The following TMEM131L variants were observed in gnomAD, a reference collection of about 807,000 sequenced individuals.
TMEM131L encodes transmembrane protein 131-like.
Under a neutral mutation model 192.2 loss-of-function variants are expected in TMEM131L, and 54 were observed. That is an observed-to-expected ratio of 0.28 (90% CI 0.23 to 0.35). TMEM131L has a LOEUF of 0.35. Among genes scored for constraint, TMEM131L ranks in the 10% least tolerant of loss-of-function variants. TMEM131L has a pLI of 1.00. For missense variants in TMEM131L, 1,888 were observed against 1,972.9 expected (o/e 0.96, Z 0.82); for synonymous variants, 701 against 704.9 (o/e 0.99, Z 0.09).
At chr4:153,616,925 G>A (rs2126664621) in intron 26 of TMEM131L, among the ~76,000 whole-genome samples, 1 of 152,202 alleles carries the variant, frequency 6.6e-6, no homozygotes, top group East Asian at 1.9e-4. Flanking sequence ...TCATAAATAA[G>A]TCTGTGATGA....
intron 15 of TMEM131L, 120 bp from the exon 16 acceptor site, chr4:153,588,770 G>T (rs1730870219): frequency 6.8e-6 from 4 of 592,160 alleles, no homozygotes; most frequent in Non-Finnish European, 1.2e-5. Context: ...GACAGAGGTG[G>T]CATTTATTAA....
chr4:153,514,607 A>T lies in TMEM131L; in HGVS notation c.240-35466A>T, dbSNP rs371120757. Among the ~76,000 whole-genome samples, 31 of 152,316 alleles carry T rather than the reference A, an allele frequency of 2.0e-4. 1 individual carries two copies. In the South Asian group the frequency reaches 6.2e-3, roughly 31 times the overall value. On this transcript the variant is annotated intron_variant, in intron 3 of 34. Coordinates refer to ENST00000409959, the MANE Select transcript of TMEM131L (RefSeq NM_001131007.2). The stretch of plus-strand genomic sequence containing the variant: ...TGAACTAGGTACCATTAAGATAGGT[A>T]TCATTAGTAGCCCCATTTTATAATA...
chr4:153,613,711 G>T (rs571355008), intron 26 of TMEM131L, among the ~76,000 whole-genome samples: 12 of 151,928 alleles, frequency 7.9e-5, no homozygotes, highest in Non-Finnish European at 1.6e-4. Context: ...CTGTACTGCC[G>T]TTCTTTCATG....
intron 3 of TMEM131L, among the ~76,000 whole-genome samples, chr4:153,482,563 T>G (rs1404460184): frequency 1.3e-5 from 2 of 152,210 alleles, no homozygotes; most frequent in Non-Finnish European, 2.9e-5. Flanking sequence ...ATTTTGGTTT[T>G]CATTGAAATT....
intron 3 of TMEM131L, among the ~76,000 whole-genome samples, chr4:153,476,963 G>A (rs1731584651): frequency 2.6e-5 from 4 of 152,178 alleles, no homozygotes; most frequent in African/African-American, 9.7e-5. Flanking sequence ...GCCCACAATT[G>A]TAAATGTGAC....
At chr4:153,633,792 C>G (rs1734386311) in intron 32 of TMEM131L, among the ~76,000 whole-genome samples, 1 of 152,150 alleles carries the variant, frequency 6.6e-6, no homozygotes, top group Non-Finnish European at 1.5e-5. Flanking sequence ...TATAGTTATG[C>G]TTGTCTAAGA....
intron 3 of TMEM131L, among the ~76,000 whole-genome samples, chr4:153,503,718 A>G (rs1403885124): frequency 1.3e-5 from 2 of 152,198 alleles, no homozygotes; most frequent in African/African-American, 4.8e-5. Context: ...CAGAAGCAGA[A>G]TGAGGCTAAT....
intron 17 of TMEM131L, 83 bp from the exon 18 acceptor site, chr4:153,592,392 T>A: frequency 1.2e-6 from 1 of 843,738 alleles, no homozygotes; most frequent in Non-Finnish European, 2.0e-6. Context: ...TCCTCATGAT[T>A]AGGTTATGCT....
chr4:153,548,114 G>A (rs923483406), intron 3 of TMEM131L, among the ~76,000 whole-genome samples: 2 of 151,962 alleles, frequency 1.3e-5, no homozygotes, highest in African/African-American at 4.8e-5. Flanking sequence ...CTTCACCTTC[G>A]TTACCACCTG....
chr4:153,543,694 TG>T (rs1736963468), intron 3 of TMEM131L, among the ~76,000 whole-genome samples: 1 of 152,274 alleles, frequency 6.6e-6, no homozygotes, highest in South Asian at 2.1e-4. Flanking sequence ...AGGTAGCAGC[TG>T]GGTCTTAGAA....
intron 3 of TMEM131L, among the ~76,000 whole-genome samples, chr4:153,538,176 CTCCTTCCAGGACTTTGT>C (rs1209754140): frequency 4.6e-5 from 7 of 152,334 alleles, no homozygotes; most frequent in African/African-American, 1.7e-4. Context: ...ATTGACTATG[CTCCTTCCAGGACTTTGT>C]TCCTTCCAGG....
chr4:153,622,295 G>T (rs1733482634), intron 28 of TMEM131L, among the ~76,000 whole-genome samples: 2 of 152,190 alleles, frequency 1.3e-5, no homozygotes, highest in Admixed American at 6.5e-5. Context: ...TCCAGGGTCT[G>T]GTACCGGATA....
intron 26 of TMEM131L, among the ~76,000 whole-genome samples, chr4:153,614,074 T>G (rs1732807387): frequency 1.3e-5 from 2 of 152,116 alleles, no homozygotes; most frequent in South Asian, 4.1e-4. Context: ...TGGAAACTTG[T>G]GCAGGTAGCA....
At chr4:153,527,131 A>G (rs1688208003) in intron 3 of TMEM131L, among the ~76,000 whole-genome samples, 1 of 152,204 alleles carries the variant, frequency 6.6e-6, no homozygotes, top group African/African-American at 2.4e-5. Context: ...TGTTGGCTAC[A>G]GTCCATTGAT....
chr4:153,468,395 A>G (rs1730918622), intron 2 of TMEM131L, among the ~76,000 whole-genome samples: 1 of 152,162 alleles, frequency 6.6e-6, no homozygotes, highest in Non-Finnish European at 1.5e-5. Context: ...CAGGATGAGG[A>G]GCAGATAGTT....
chr4:153,533,928 A>G (rs1438682644), intron 3 of TMEM131L, among the ~76,000 whole-genome samples: 7 of 152,178 alleles, frequency 4.6e-5, no homozygotes, highest in African/African-American at 1.7e-4. Context: ...CCAACCTGAC[A>G]TTGGTTTTTA....
chr4:153,613,680 G>A (rs1039806873), intron 26 of TMEM131L, among the ~76,000 whole-genome samples: 94 of 152,140 alleles, frequency 6.2e-4, no homozygotes, highest in African/African-American at 2.1e-3. Context: ...TATTCCTAGT[G>A]TTATAAATTA....
rs1480596194 is a variant in TMEM131L, at chr4:153,596,337, T to C, written c.2075T>C (p.Val692Ala). 6.8e-6 allele frequency: 11 copies of C among 1,613,902 alleles called. No individual in the cohort carries two copies. Among genetic ancestry groups the C allele is most frequent in the Non-Finnish European group, 8.5e-6 (10 of 1,179,906 alleles). ...QPLEMKRVGV[V>A]FTPADYGKVT... ...TTGGAAATGAAAAGGGTTGGCGTAG[T>C]TTTCACACCTGCTGACTATGGAAAA... Residue 692 changes from valine to alanine, a missense_variant, in exon 20 of 35, where the codon GTT becomes GCT. Transcript: ENST00000409959.
intron 3 of TMEM131L, among the ~76,000 whole-genome samples, chr4:153,488,493 G>T (rs1732524604): frequency 6.6e-6 from 1 of 152,154 alleles, no homozygotes; most frequent in Non-Finnish European, 1.5e-5. Flanking sequence ...TTGGGACAAG[G>T]GCCTGGGCCT....
Sources: gnomAD v4.1 joint callset for allele counts (sites outside exome capture counted in the v4.1 genomes callset) on GRCh38, gnomAD v4.1.1 for gene constraint, MANE v1.5 for transcripts, NCBI Gene and HGNC (gene_info 2026-07-23, HGNC 2026-07-21) for gene names.